WDPCP: variants seen among roughly 807,000 people sequenced by gnomAD.
WDPCP encodes WD repeat-containing and planar cell polarity effector protein fritz homolog.
In WDPCP, 71 loss-of-function variants were observed where a neutral mutation model predicts 93.1. That is an observed-to-expected ratio of 0.76 (90% CI 0.63 to 0.93). The LOEUF is 0.93. Ranked by LOEUF, WDPCP falls within the 40% of genes least tolerant of loss-of-function variation. The pLI, the probability that WDPCP is intolerant of heterozygous loss-of-function variation, is 0.00. For missense variants in WDPCP, 844 were observed against 887.4 expected, an observed-to-expected ratio of 0.95 and a Z score of 0.62; for synonymous variants, 315 against 315.0, an observed-to-expected ratio of 1.00 and a Z score of 0.00.
At chr2:63,575,326 AGTATATATG>A (rs1707848713) in intron 1 of WDPCP, among the ~76,000 whole-genome samples, 1 of 139,510 alleles carries the variant, frequency 7.2e-6, no homozygotes, top group Non-Finnish European at 1.5e-5. Flanking sequence ...ATATATACAC[AGTATATATG>A]GTATATACTG....
chr2:63,733,482 G>A lies in WDPCP; in HGVS notation n.308+80140C>T, dbSNP rs1575760816. ...CTCCCAAAGTGCTGGGATTACAGGC[G>A]TGAGCCACCGCGCCCGGCCGCCAAA... On this transcript the variant is annotated intron_variant and non_coding_transcript_variant, in intron 2 of 4. Coordinates refer to the WDPCP transcript ENST00000467687. Among the ~76,000 whole-genome samples the A allele has an allele frequency of 3.4e-5, 5 of 147,134 alleles. 2 individuals are homozygous for A. Among genetic ancestry groups the A allele is most frequent in the African/African-American group, 1.2e-4 (5 of 40,108 alleles).
intron 14 of WDPCP, among the ~76,000 whole-genome samples, chr2:63,256,629 T>C (rs1681174729): frequency 6.6e-6 from 1 of 152,186 alleles, no homozygotes. Flanking sequence ...TTAAAAGACA[T>C]ACACAAGAAT....
intron 2 of WDPCP, among the ~76,000 whole-genome samples, chr2:63,661,331 CTT>C (rs1023402252): frequency 1.3e-5 from 2 of 152,130 alleles, no homozygotes; most frequent in African/African-American, 4.8e-5. Context: ...GCTTCAATTC[CTT>C]ATAAGCTGTT....
intron 2 of WDPCP, among the ~76,000 whole-genome samples, chr2:63,800,824 T>A (rs538072070): frequency 1.3e-5 from 2 of 151,978 alleles, no homozygotes; most frequent in Non-Finnish European, 2.9e-5. Flanking sequence ...AGGGCTGAGG[T>A]GGGAGGACTG....
chr2:63,599,354 T>G (rs1338486021), intron 3 of WDPCP: 25 of 1,521,668 alleles, frequency 1.6e-5, no homozygotes, highest in Non-Finnish European at 2.2e-5. Context: ...TCTCTCACTT[T>G]TAAAATAACT....
intron 13 of WDPCP, among the ~76,000 whole-genome samples, chr2:63,291,827 GA>G (rs1376962466): frequency 1.4e-5 from 2 of 147,304 alleles, no homozygotes; most frequent in East Asian, 4.0e-4. Flanking sequence ...AAAAAGAAAA[GA>G]AAAGAAAAAG....
intron 10 of WDPCP, among the ~76,000 whole-genome samples, chr2:63,400,439 GA>G (rs1365726510): frequency 6.6e-6 from 1 of 152,056 alleles, no homozygotes; most frequent in Non-Finnish European, 1.5e-5. Flanking sequence ...AGAGTAAACA[GA>G]CAACCTACAG....
At chr2:63,655,530 A>G (rs1178078571) in intron 2 of WDPCP, among the ~76,000 whole-genome samples, 2 of 151,680 alleles carry the variant, frequency 1.3e-5, no homozygotes, top group Non-Finnish European at 2.9e-5. Context: ...TAATTTTCTT[A>G]TTTTTCATTT....
chr2:63,556,888 C>A (rs1439217476), intron 1 of WDPCP, among the ~76,000 whole-genome samples: 1 of 151,780 alleles, frequency 6.6e-6, no homozygotes, highest in Admixed American at 6.6e-5. Flanking sequence ...AAAAGAATTT[C>A]CAACCCAGAA....
chr2:63,611,535 T>A (rs1250194701), intron 3 of WDPCP, among the ~76,000 whole-genome samples: 1 of 152,222 alleles, frequency 6.6e-6, no homozygotes, highest in Non-Finnish European at 1.5e-5. Flanking sequence ...CTTTTTGGTA[T>A]GTAAGCTTAA....
At chr2:63,362,257 C>CG (rs1690522732) in intron 12 of WDPCP, among the ~76,000 whole-genome samples, 1 of 22,444 alleles carries the variant, frequency 4.5e-5, no homozygotes, top group African/African-American at 4.6e-4. Context: ...CGGTAGAATC[C>CG]CTTTTTTTTT....
intron 15 of WDPCP, among the ~76,000 whole-genome samples, chr2:63,164,292 C>T (rs1045597067): frequency 6.6e-6 from 1 of 152,170 alleles, no homozygotes; most frequent in Non-Finnish European, 1.5e-5. Flanking sequence ...CTCACCAAAT[C>T]AAATTTGACA....
chr2:63,203,007 T>C (rs982281744), intron 14 of WDPCP, among the ~76,000 whole-genome samples: 1 of 152,178 alleles, frequency 6.6e-6, no homozygotes, highest in African/African-American at 2.4e-5. Context: ...ATTGTTTCAT[T>C]GTACACACGT....
At chr2:63,188,165 G>A (rs1357032713) in intron 14 of WDPCP, among the ~76,000 whole-genome samples, 1 of 152,028 alleles carries the variant, frequency 6.6e-6, no homozygotes, top group Non-Finnish European at 1.5e-5. Flanking sequence ...CTTGGTATGG[G>A]TCTCTTCAGG....
At chr2:63,436,177 G>A (rs960537502) in intron 8 of WDPCP, among the ~76,000 whole-genome samples, 2 of 152,082 alleles carry the variant, frequency 1.3e-5, no homozygotes, top group Non-Finnish European at 2.9e-5. Flanking sequence ...AGTATTTCAA[G>A]TAAATCTGAA....
At position 63,162,049 on chromosome 2, in the gene WDPCP, C is replaced by T. The variant is rs142746741; in HGVS notation, c.2079-8475G>A. On this transcript the variant is annotated intron_variant, in intron 15 of 17. Coordinates refer to ENST00000272321, the MANE Select transcript of WDPCP (RefSeq NM_015910.7). ...CATCCCAAAATGCTGGGATTACTGG[C>T]GTGAGCTACTGTGCCCAGCCATCTG... Among the ~76,000 whole-genome samples, 102 of 152,218 alleles carry T rather than the reference C, an allele frequency of 6.7e-4. 2 individuals are homozygous for T. The East Asian group carries it at 0.018, about 27-fold the overall frequency.
chr2:63,613,392 C>G (rs1190016903), intron 3 of WDPCP, among the ~76,000 whole-genome samples: 1 of 152,200 alleles, frequency 6.6e-6, no homozygotes, highest in Non-Finnish European at 1.5e-5. Flanking sequence ...TGGCTCCAGC[C>G]TGATGAAATC....
At chr2:63,140,576 T>C (rs1230207110) in intron 17 of WDPCP, among the ~76,000 whole-genome samples, 1 of 151,528 alleles carries the variant, frequency 6.6e-6, no homozygotes, top group African/African-American at 2.4e-5. Context: ...TTTGCAGCTA[T>C]TATAAAAGGG....
chr2:63,344,197 T>G (rs1033284557), intron 12 of WDPCP, among the ~76,000 whole-genome samples: 2 of 152,244 alleles, frequency 1.3e-5, no homozygotes, highest in East Asian at 3.8e-4. Context: ...TCACCCATTT[T>G]ATTAGTGACA....
Sources: gnomAD v4.1 joint callset for allele counts (sites outside exome capture counted in the v4.1 genomes callset) on GRCh38, gnomAD v4.1.1 for gene constraint, MANE v1.5 for transcripts, NCBI Gene and HGNC (gene_info 2026-07-23, HGNC 2026-07-21) for gene names.